The following SERGEF variants were observed in gnomAD, a reference collection of about 807,000 sequenced individuals.
SERGEF encodes secretion-regulating guanine nucleotide exchange factor.
SERGEF carries 51 observed loss-of-function variants against 50.0 expected under a neutral mutation model. The ratio of observed to expected loss-of-function variants is 1.02; its 90% CI spans 0.81 to 1.29. SERGEF has a LOEUF of 1.29. SERGEF is among the 50% of genes most tolerant of loss of function. SERGEF has a pLI of 0.00. For missense variants in SERGEF, 521 were observed against 557.0 expected (o/e 0.94, Z 0.65); for synonymous variants, 205 against 212.4 (o/e 0.97, Z 0.30).
intron 5 of SERGEF, chr11:17,999,511 C>T (rs1853914348): frequency 4.4e-6 from 2 of 451,990 alleles, no homozygotes; most frequent in African/African-American, 4.0e-5. Flanking sequence ...CTCCTTCCTC[C>T]ACTCCACAAG....
Position 17,830,722 on chromosome 11 carries a change from C to A in SERGEF, c.1049-42309G>T, listed in dbSNP as rs1049874039. On this transcript the variant is annotated intron_variant, in intron 10 of 10. Transcript: ENST00000265965. ...CATGCAAGAGTAAGTCAGGATGAAC[C>A]GACTCCCTCCATAACAGCATTAGTC... Among the ~76,000 whole-genome samples the A allele has an allele frequency of 5.1e-5, 7 of 136,372 alleles. 1 individual carries two copies. Among genetic ancestry groups the A allele is most frequent in the African/African-American group, 1.7e-4 (6 of 35,824 alleles). The allele number at this position is 136,372 out of a possible 152,430, so 89.5% of individuals were successfully genotyped here.
At chr11:17,904,231 T>G (rs1368163558) in intron 9 of SERGEF, among the ~76,000 whole-genome samples, 1 of 152,258 alleles carries the variant, frequency 6.6e-6, no homozygotes, top group South Asian at 2.1e-4. Flanking sequence ...GGCCACAGCC[T>G]GAACCAGTGA....
At position 17,919,108 on chromosome 11, in the gene SERGEF, T is replaced by C. The variant is rs570033861; in HGVS notation, c.1011+40362A>G. On this transcript the variant is annotated intron_variant, in intron 9 of 10. Transcript: ENST00000265965. ...CAACAAACTAGGGTAAAAACAAACATTTCTGAATTGGTATTATAATTATTT... is the reference window on the plus strand; with the variant it reads ...CAACAAACTAGGGTAAAAACAAACACTTCTGAATTGGTATTATAATTATTT... Among the ~76,000 whole-genome samples, 6 of 152,256 alleles carry C rather than the reference T, an allele frequency of 3.9e-5. No homozygotes were observed. In the South Asian group the frequency reaches 1.0e-3, roughly 26 times the overall value.
chr11:17,811,435 G>T (rs1257810990), intron 10 of SERGEF, among the ~76,000 whole-genome samples: 1 of 152,180 alleles, frequency 6.6e-6, no homozygotes, highest in Non-Finnish European at 1.5e-5. Flanking sequence ...AAAATAATGG[G>T]TTTGACTAAG....
intron 9 of SERGEF, among the ~76,000 whole-genome samples, chr11:17,955,035 CAA>C (rs1013683632): frequency 6.6e-6 from 1 of 152,188 alleles, no homozygotes; most frequent in Non-Finnish European, 1.5e-5. Context: ...AGCCAGATTA[CAA>C]AACTAGGTTC....
At chr11:17,801,053 G>C (rs1413425279) in intron 10 of SERGEF, among the ~76,000 whole-genome samples, 4 of 152,054 alleles carry the variant, frequency 2.6e-5, no homozygotes, top group Admixed American at 2.6e-4. Flanking sequence ...AAATTAGCCG[G>C]GCGTGGTGGT....
chr11:18,012,703 G>C lies in SERGEF; in HGVS notation c.60+248C>G, dbSNP rs1049038241. The C allele has an allele frequency of 1.5e-5, 17 of 1,148,188 alleles. No homozygotes were observed. The African/African-American group carries it at 2.5e-4, about 17-fold the overall frequency. 71.1% of individuals were successfully genotyped at this position (1,148,188 alleles called of 1,614,324 possible). A position where few individuals can be genotyped will look rare whatever the true frequency, so the allele number is the denominator to read the frequency against. Reference sequence around the variant, plus strand: ...CTGCCCCGAGGCAGGTTCTTCCCGCGGCGCCACAGCCCCTCCGGCCCTGAC... The same window carrying C: ...CTGCCCCGAGGCAGGTTCTTCCCGCCGCGCCACAGCCCCTCCGGCCCTGAC... On this transcript the variant is annotated intron_variant, in intron 1 of 10. Coordinates refer to ENST00000265965, the MANE Select transcript of SERGEF (RefSeq NM_012139.4).
chr11:17,810,912 T>C (rs757532031), intron 10 of SERGEF, among the ~76,000 whole-genome samples: 2 of 152,038 alleles, frequency 1.3e-5, no homozygotes, highest in Non-Finnish European at 2.9e-5. Context: ...ACAGAGATGA[T>C]ACATTCAAAG....
rs1451497865 is a variant in SERGEF at position 18,013,012 on chromosome 11, C to T, written c.-2G>A. 10 of 1,385,784 alleles carry T rather than the reference C, an allele frequency of 7.2e-6. No homozygotes were observed. The highest frequency in any genetic ancestry group is 6.5e-6 in the Non-Finnish European group (7 of 1,081,040). The allele number at this position is 1,385,784 out of a possible 1,614,324, so 85.8% of individuals were successfully genotyped here. A position where few individuals can be genotyped will look rare whatever the true frequency, so the allele number is the denominator to read the frequency against. On this transcript the variant is annotated 5_prime_UTR_variant, in exon 1 of 11. Transcript: ENST00000265965. This position sits in a 1 kb window ranked among gnomAD's most constrained non-coding sequence, Gnocchi z 4.3. ...CGAGGCGCTGGGCTCGCGCTCCATGCGAGGACGCTCCGCCGGCGCTTCCGG... is the reference window on the plus strand; with the variant it reads ...CGAGGCGCTGGGCTCGCGCTCCATGTGAGGACGCTCCGCCGGCGCTTCCGG...
intron 4 of SERGEF, 137 bp downstream of exon 4, chr11:18,004,304 C>A: frequency 1.8e-6 from 1 of 563,482 alleles, no homozygotes. Flanking sequence ...CCCAGAAGGA[C>A]CTATTTTTCA....
chr11:17,895,019 C>CCAA (rs1170017390), intron 9 of SERGEF, among the ~76,000 whole-genome samples: 1 of 152,136 alleles, frequency 6.6e-6, no homozygotes, highest in African/African-American at 2.4e-5. Context: ...CATTCTATCC[C>CCAA]CAACAACAAC....
intron 9 of SERGEF, among the ~76,000 whole-genome samples, chr11:17,916,442 C>T (rs1852049841): frequency 6.6e-6 from 1 of 152,202 alleles, no homozygotes; most frequent in Middle Eastern, 3.2e-3. Context: ...GCAGAGATTT[C>T]TAGCTTTATC....
chr11:17,918,647 C>CACACACACAA (rs1852092266), intron 9 of SERGEF: 1 of 417,900 alleles, frequency 2.4e-6, no homozygotes, highest in Non-Finnish European at 4.8e-6. Context: ...CACACACACA[C>CACACACACAA]ACACATACAC....
intron 4 of SERGEF, 95 bp from the exon 5 acceptor site, chr11:18,000,652 T>C: frequency 2.2e-6 from 2 of 902,156 alleles, no homozygotes; most frequent in South Asian, 2.9e-5. Flanking sequence ...CGGTCCTCAT[T>C]ATGGGTCTGA....
At chr11:17,803,725 T>C (rs927556325) in intron 10 of SERGEF, among the ~76,000 whole-genome samples, 1 of 152,194 alleles carries the variant, frequency 6.6e-6, no homozygotes, top group Non-Finnish European at 1.5e-5. Flanking sequence ...CTGGTGTATC[T>C]TGAGGCCAGC....
chr11:17,846,837 G>C (rs1483693227), intron 10 of SERGEF: 2 of 447,666 alleles, frequency 4.5e-6, no homozygotes, highest in Non-Finnish European at 9.0e-6. Context: ...TAATAGATGA[G>C]CCTCCTAGTA....
At chr11:17,835,402 G>A (rs768579235) in intron 10 of SERGEF, among the ~76,000 whole-genome samples, 34 of 152,168 alleles carry the variant, frequency 2.2e-4, no homozygotes, top group Non-Finnish European at 4.6e-4. Flanking sequence ...TAGGGTGGTG[G>A]TAAGAGGCAG....
At chr11:17,807,820 G>C (rs1480376443) in intron 10 of SERGEF, among the ~76,000 whole-genome samples, 2 of 152,210 alleles carry the variant, frequency 1.3e-5, no homozygotes, top group East Asian at 3.9e-4. Flanking sequence ...TGAACCAGGA[G>C]GGGAGGCAGG....
chr11:17,927,500 A>T (rs1247795445), intron 9 of SERGEF, among the ~76,000 whole-genome samples: 1 of 152,236 alleles, frequency 6.6e-6, no homozygotes, highest in Non-Finnish European at 1.5e-5. Context: ...AAAAGCACAC[A>T]TACAACACAG....
Sources: gnomAD v4.1 joint callset for allele counts (sites outside exome capture counted in the v4.1 genomes callset) on GRCh38, gnomAD v4.1.1 for gene constraint, Gnocchi (gnomAD v3.1) non-coding constraint, MANE v1.5 for transcripts, NCBI Gene and HGNC (gene_info 2026-07-23, HGNC 2026-07-21) for gene names.